FBXO11: variants seen among roughly 807,000 people sequenced by gnomAD.
FBXO11 encodes F-box only protein 11.
Under a neutral mutation model 117.0 loss-of-function variants are expected in FBXO11, and 13 were observed. The observed-to-expected ratio is 0.11, with a 90% CI of 0.07 to 0.18. FBXO11 has a LOEUF of 0.18. Ranked by LOEUF, FBXO11 falls within the 10% of genes least tolerant of loss-of-function variation. The probability of loss-of-function intolerance (pLI) is 1.00; values close to 1 mark genes in which losing one functional copy is unlikely to be tolerated. For synonymous variants in FBXO11, 490 were observed against 380.5 expected, an observed-to-expected ratio of 1.29 and a Z score of -3.35; for missense variants, 767 against 1,164.4, an observed-to-expected ratio of 0.66 and a Z score of 4.97.
In FBXO11 at chr2:47,807,712, TTTACCATA is replaced by T. The variant is rs1430773076; in HGVS notation, c.*398_*405del. The T allele has an allele frequency of 3.3e-4, 78 of 236,260 alleles. No homozygotes were observed. The highest frequency in any genetic ancestry group is 5.2e-4 in the Admixed American group (10 of 19,240). 14.6% of individuals were successfully genotyped at this position (236,260 alleles called of 1,614,324 possible). A position where few individuals can be genotyped will look rare whatever the true frequency, so the allele number is the denominator to read the frequency against. Reference sequence around the variant, plus strand: ...GAACGCAGAAGTGCTAGCTCACATTTTTACCATATTACAAAAGCAATTGGTACCCATGT... The same window carrying T: ...GAACGCAGAAGTGCTAGCTCACATTTTTACAAAAGCAATTGGTACCCATGT... On this transcript the variant is annotated 3_prime_UTR_variant, in exon 23 of 23. Coordinates refer to ENST00000403359, the MANE Select transcript of FBXO11 (RefSeq NM_001190274.2).
intron 1 of FBXO11, among the ~76,000 whole-genome samples, chr2:47,870,578 C>G (rs79392285): frequency 6.6e-6 from 1 of 152,090 alleles, no homozygotes; most frequent in African/African-American, 2.4e-5. Flanking sequence ...CAAGGAATAC[C>G]AAGGATTAAC....
chr2:47,853,075 AT>A (rs747774373), intron 1 of FBXO11, among the ~76,000 whole-genome samples: 269 of 146,648 alleles, frequency 1.8e-3, no homozygotes, highest in Middle Eastern at 3.6e-3. Context: ...AATTTGAAGA[AT>A]TTTTTTTTTT....
At chr2:47,836,080 AT>A in intron 4 of FBXO11, 79 bp from the exon 5 acceptor site, 1 of 1,006,984 alleles carries the variant, frequency 9.9e-7, no homozygotes, top group Middle Eastern at 3.4e-4. Context: ...TATAACAATT[AT>A]TTGAGGCCTC....
chr2:47,858,902 G>A (rs1269545067), intron 1 of FBXO11, among the ~76,000 whole-genome samples: 5 of 151,172 alleles, frequency 3.3e-5, no homozygotes, highest in Non-Finnish European at 7.4e-5. Flanking sequence ...AGCTGGGCGT[G>A]GTAGCCCGCG....
intron 1 of FBXO11, among the ~76,000 whole-genome samples, chr2:47,847,529 T>G (rs1239805576): frequency 1.3e-5 from 2 of 151,640 alleles, no homozygotes; most frequent in Non-Finnish European, 2.9e-5. Flanking sequence ...GTCAACATGG[T>G]GAAACTCTGT....
At chr2:47,890,503 A>G (rs1468806411) in intron 1 of FBXO11, among the ~76,000 whole-genome samples, 3 of 152,130 alleles carry the variant, frequency 2.0e-5, no homozygotes, top group African/African-American at 7.2e-5. Flanking sequence ...TCACGACACA[A>G]TCAGAATTAT....
At position 47,806,922 on chromosome 2, in the gene FBXO11, A is replaced by T. The variant is rs569367018; in HGVS notation, c.*1196T>A. 6 of 1,204,932 alleles carry T rather than the reference A, an allele frequency of 5.0e-6. No homozygotes were observed. The Admixed American group carries it at 1.1e-4, about 21-fold the overall frequency. The allele number at this position is 1,204,932 out of a possible 1,614,324, so 74.6% of individuals were successfully genotyped here. ...AAAGGTGGTAAATTCAGACAACATT[A>T]TGATCTAATAAACTTTATTTTTTAA... is the stretch of plus-strand genomic sequence containing the variant. On this transcript the variant is annotated 3_prime_UTR_variant, in exon 23 of 23. Transcript: ENST00000403359.
At chr2:47,825,274 C>T (rs1471416157) in intron 11 of FBXO11, among the ~76,000 whole-genome samples, 7 of 152,004 alleles carry the variant, frequency 4.6e-5, no homozygotes, top group Admixed American at 4.6e-4. Context: ...GGATTATAAC[C>T]TTATTCTTTT....
At chr2:47,861,668 G>T (rs1467346612) in intron 1 of FBXO11, among the ~76,000 whole-genome samples, 1 of 152,124 alleles carries the variant, frequency 6.6e-6, no homozygotes, top group Non-Finnish European at 1.5e-5. Context: ...CCAAGCCAAT[G>T]TGGCCCAATG....
intron 16 of FBXO11, among the ~76,000 whole-genome samples, chr2:47,816,260 G>A (rs1670998187): frequency 2.6e-5 from 4 of 152,090 alleles, no homozygotes; most frequent in Admixed American, 2.0e-4. Context: ...GCTCAGTGCC[G>A]CCTCGACTTC....
At chr2:47,861,871 A>G (rs1399416686) in intron 1 of FBXO11, among the ~76,000 whole-genome samples, 15 of 152,160 alleles carry the variant, frequency 9.9e-5, no homozygotes, top group Admixed American at 9.8e-4. Flanking sequence ...CAACAGCAGA[A>G]AATCAAACAC....
intron 1 of FBXO11, among the ~76,000 whole-genome samples, chr2:47,871,299 C>T (rs1384220409): frequency 1.3e-5 from 2 of 152,184 alleles, no homozygotes; most frequent in African/African-American, 4.8e-5. Context: ...CTTCTGCAAA[C>T]AATTAGCAAG....
chr2:47,824,852 A>T (rs571432769), intron 11 of FBXO11, among the ~76,000 whole-genome samples: 3 of 152,226 alleles, frequency 2.0e-5, no homozygotes, highest in African/African-American at 7.2e-5. Flanking sequence ...CTTAGGCCAA[A>T]GACTAAATGC....
intron 1 of FBXO11, among the ~76,000 whole-genome samples, chr2:47,889,289 C>G (rs1480820183): frequency 6.6e-6 from 1 of 152,194 alleles, no homozygotes; most frequent in Non-Finnish European, 1.5e-5. Flanking sequence ...CTGTGATTGG[C>G]TCTTCATAGA....
In FBXO11 at chr2:47,838,937, T is replaced by C. The variant is rs768167573; in HGVS notation, c.509A>G (p.Tyr170Cys). Residue 170 changes from tyrosine (Y) to cysteine (C), a missense_variant, in exon 4 of 23, where the codon TAC (tyrosine) becomes TGC (cysteine). Tyr to Cys is a radical substitution (Grantham distance 194). Coordinates refer to ENST00000403359, the MANE Select transcript of FBXO11 (RefSeq NM_001190274.2). Reference sequence around the variant, plus strand: ...TCTACAAAGATCCTGTTCCAGCAAGTAAGAGAAGATTTTTAGAACCACTTC... The same window carrying C: ...TCTACAAAGATCCTGTTCCAGCAAGCAAGAGAAGATTTTTAGAACCACTTC... ...PDEVVLKIFS[Y>C]LLEQDLCRAA... 6.2e-7 allele frequency: 1 copy of C among 1,614,078 alleles called. No individual in the cohort carries two copies. Among genetic ancestry groups the C allele is most frequent in the South Asian group, 1.1e-5 (1 of 91,072 alleles).
At chr2:47,847,707 C>T (rs1490961690) in intron 1 of FBXO11, among the ~76,000 whole-genome samples, 1 of 149,006 alleles carries the variant, frequency 6.7e-6, no homozygotes, top group Non-Finnish European at 1.5e-5. Context: ...CTGTCTCAAA[C>T]GAACAAATAA....
rs1466491365 is a variant in FBXO11, at chr2:47,867,064, G to T, written c.233-27295C>A. Among the ~76,000 whole-genome samples the T allele has an allele frequency of 2.0e-5, 3 of 152,110 alleles. No individual in the cohort carries two copies. The East Asian group carries it at 5.8e-4, about 29-fold the overall frequency. The stretch of plus-strand genomic sequence containing the variant: ...AAACTAAAAATCTAATTGCTCCCAG[G>T]TTCCAGATTTTGTCTAACATTGCTT... On this transcript the variant is annotated intron_variant, in intron 1 of 22. Coordinates refer to ENST00000403359, the MANE Select transcript of FBXO11 (RefSeq NM_001190274.2).
chr2:47,905,799 G>T lies in FBXO11; in HGVS notation c.-79C>A. ...AGCGAGCTTCGGGGCAGGAGAAAGG[G>T]GTGGGGAGAGTGGGAGAGGGGGGAG... On this transcript the variant is annotated 5_prime_UTR_variant, in exon 1 of 23. Transcript: ENST00000403359. 2.1e-6 allele frequency: 3 copies of T among 1,419,930 alleles called. No homozygotes were observed. The highest frequency in any genetic ancestry group is 2.8e-6 in the Non-Finnish European group (3 of 1,065,928). 88.0% of individuals were successfully genotyped at this position (1,419,930 alleles called of 1,614,324 possible). A position where few individuals can be genotyped will look rare whatever the true frequency, so the allele number is the denominator to read the frequency against.
intron 1 of FBXO11, among the ~76,000 whole-genome samples, chr2:47,896,788 T>A (rs1677702632): frequency 6.6e-6 from 1 of 152,228 alleles, no homozygotes; most frequent in African/African-American, 2.4e-5. Flanking sequence ...AGTGGCTACT[T>A]TTATGTATTG....
Sources: allele counts gnomAD v4.1 joint callset (sites outside exome capture counted in the v4.1 genomes callset), GRCh38; gene constraint gnomAD v4.1.1; transcripts MANE v1.5; gene names NCBI Gene and HGNC (gene_info 2026-07-23, HGNC 2026-07-21).